Variants in INSC observed in about 807,000 individuals in gnomAD.
INSC encodes the protein protein inscuteable homolog.
A neutral mutation model predicts 58.6 loss-of-function variants in INSC; 67 were observed. The ratio of observed to expected loss-of-function variants is 1.14; its 90% CI spans 0.94 to 1.40. The LOEUF (loss-of-function observed/expected upper bound fraction) is 1.40. Among genes scored for constraint, INSC ranks in the 40% most tolerant of loss-of-function variants. INSC has a pLI of 0.00. For synonymous variants in INSC, 262 were observed against 276.1 expected, an observed-to-expected ratio of 0.95 and a Z score of 0.51; for missense variants, 714 against 692.0, an observed-to-expected ratio of 1.03 and a Z score of -0.36.
chr11:15,113,517 GCAAA>G (rs1172916655), upstream of INSC, among the ~76,000 whole-genome samples: 1 of 152,164 alleles, frequency 6.6e-6, no homozygotes, highest in East Asian at 1.9e-4. Flanking sequence ...AGAAGATTCT[GCAAA>G]CAGTCTGTAA....
intron 5 of INSC, among the ~76,000 whole-genome samples, chr11:15,186,573 T>C (rs533554402): frequency 5.8e-4 from 88 of 152,334 alleles, no homozygotes; most frequent in Non-Finnish European, 1.0e-3. Context: ...TCCACATTTA[T>C]GTTCCTAAAT....
chr11:15,251,926 T>C (rs1020066577), downstream of INSC, among the ~76,000 whole-genome samples: 10 of 152,206 alleles, frequency 6.6e-5, no homozygotes, highest in African/African-American at 2.2e-4. Flanking sequence ...CAAAAACTTA[T>C]ACACTAAGGT....
chr11:15,242,845 T>G (rs2133983945), intron 12 of INSC, among the ~76,000 whole-genome samples: 1 of 152,126 alleles, frequency 6.6e-6, no homozygotes, highest in East Asian at 1.9e-4. Context: ...ATTATCTTTG[T>G]CCCAGGTGTT....
chr11:15,229,394 A>T (rs1013599294), intron 9 of INSC, among the ~76,000 whole-genome samples: 6 of 152,168 alleles, frequency 3.9e-5, no homozygotes, highest in African/African-American at 1.4e-4. Context: ...TATAGTTTAT[A>T]AAGCTCTGTC....
the INSC span, among the ~76,000 whole-genome samples, chr11:15,255,044 A>C: frequency 6.6e-6 from 1 of 152,220 alleles, no homozygotes; most frequent in South Asian, 2.1e-4. Flanking sequence ...TCCTTTTTAC[A>C]AATAAGGGAA....
chr11:15,256,757 G>T, the INSC span, among the ~76,000 whole-genome samples: 1 of 152,048 alleles, frequency 6.6e-6, no homozygotes, highest in Non-Finnish European at 1.5e-5. Flanking sequence ...CAAAGTGCTG[G>T]GATTACACGG....
At chr11:15,133,856 C>T (rs538424801) in intron 1 of INSC, among the ~76,000 whole-genome samples, 28 of 152,330 alleles carry the variant, frequency 1.8e-4, no homozygotes, top group African/African-American at 6.7e-4. Flanking sequence ...CATCATTATT[C>T]ATCCTTTAAA....
intron 2 of INSC, among the ~76,000 whole-genome samples, chr11:15,175,172 T>C (rs1849529802): frequency 6.6e-6 from 1 of 152,254 alleles, no homozygotes; most frequent in African/African-American, 2.4e-5. Flanking sequence ...GTGTTTCCTT[T>C]AAATATTTTT....
chr11:15,174,914 T>C (rs1008590142), intron 2 of INSC, among the ~76,000 whole-genome samples: 1 of 152,218 alleles, frequency 6.6e-6, no homozygotes, highest in Non-Finnish European at 1.5e-5. Flanking sequence ...AAATATACAA[T>C]GCTTTATCAA....
intron 7 of INSC, among the ~76,000 whole-genome samples, chr11:15,214,119 C>G (rs1360981396): frequency 6.6e-6 from 1 of 152,172 alleles, no homozygotes; most frequent in African/African-American, 2.4e-5. Context: ...TGTCACTTGT[C>G]TTTGCTTCCT....
At chr11:15,114,907 G>A (rs947317341), upstream of INSC, 12 of 984,970 alleles carry the variant, frequency 1.2e-5, no homozygotes, top group Admixed American at 6.1e-5. Context: ...TCTCGGGCTG[G>A]GCCGGCAGAG....
At chr11:15,131,143 T>C (rs999383540) in intron 1 of INSC, among the ~76,000 whole-genome samples, 1 of 152,086 alleles carries the variant, frequency 6.6e-6, no homozygotes, top group African/African-American at 2.4e-5. Flanking sequence ...ATTTTCAGAT[T>C]TTTTTCTAAT....
intron 3 of INSC, among the ~76,000 whole-genome samples, chr11:15,176,337 T>G (rs1477311219): frequency 6.6e-6 from 1 of 152,106 alleles, no homozygotes; most frequent in Admixed American, 6.5e-5. Flanking sequence ...GCCACTACTT[T>G]GAGAAGCTGT....
chr11:15,215,456 C>G (rs774178579), intron 7 of INSC, among the ~76,000 whole-genome samples: 5 of 152,186 alleles, frequency 3.3e-5, no homozygotes, highest in Non-Finnish European at 7.3e-5. Flanking sequence ...GCTCACCTGG[C>G]CCTTTCACCA....
downstream of INSC, among the ~76,000 whole-genome samples, chr11:15,251,584 A>G (rs1190403690): frequency 6.6e-6 from 1 of 152,228 alleles, no homozygotes; most frequent in Non-Finnish European, 1.5e-5. Context: ...TAATAGCTGG[A>G]CAAAGGATTT....
chr11:15,255,966 C>G, the INSC span, among the ~76,000 whole-genome samples: 6 of 152,320 alleles, frequency 3.9e-5, no homozygotes, highest in East Asian at 1.2e-3. Flanking sequence ...TCCACGGTCT[C>G]TTTCTTTTCC....
chr11:15,200,698 C>A, intron 6 of INSC, 126 bp from the exon 7 acceptor site: 2 of 1,149,192 alleles, frequency 1.7e-6, no homozygotes, highest in Non-Finnish European at 1.3e-6. Flanking sequence ...GTGTGTGGGG[C>A]GGGGGTTGCT....
the INSC span, among the ~76,000 whole-genome samples, chr11:15,262,606 A>G: frequency 3.3e-5 from 5 of 151,444 alleles, no homozygotes; most frequent in Non-Finnish European, 5.9e-5. Context: ...GTGCCATAAG[A>G]TGGCCCTCAC....
intron 10 of INSC, among the ~76,000 whole-genome samples, chr11:15,238,610 T>G (rs187289368): frequency 6.6e-6 from 1 of 152,010 alleles, no homozygotes; most frequent in Non-Finnish European, 1.5e-5. Context: ...TACTGGAAGG[T>G]TTTAGGGCAT....
Sources: gnomAD v4.1 joint callset for allele counts (sites outside exome capture counted in the v4.1 genomes callset) on GRCh38, gnomAD v4.1.1 for gene constraint, MANE v1.5 for transcripts, NCBI Gene and HGNC (gene_info 2026-07-23, HGNC 2026-07-21) for gene names.